Variants in SLX4IP observed in about 807,000 individuals in gnomAD.
SLX4IP encodes SLX4 interacting protein.
Under a neutral mutation model 32.9 loss-of-function variants are expected in SLX4IP, and 34 were observed. The ratio of observed to expected loss-of-function variants is 1.03; its 90% CI spans 0.79 to 1.38. SLX4IP has a LOEUF of 1.38. SLX4IP is among the 40% of genes most tolerant of loss of function. The probability of loss-of-function intolerance (pLI) is 0.00; values close to 1 mark genes in which losing one functional copy is unlikely to be tolerated. For missense variants in SLX4IP, 444 were observed against 479.0 expected (o/e 0.93, Z 0.68); for synonymous variants, 172 against 171.7 (o/e 1.00, Z -0.01).
intron 4 of SLX4IP, among the ~76,000 whole-genome samples, chr20:10,590,954 T>C (rs2066702539): frequency 6.6e-6 from 1 of 152,194 alleles, no homozygotes; most frequent in Admixed American, 6.5e-5. Context: ...ACACAATATA[T>C]TTTAAAAGTT....
chr20:10,540,108 C>CT (rs150162377), intron 2 of SLX4IP, among the ~76,000 whole-genome samples: 50 of 109,018 alleles, frequency 4.6e-4, no homozygotes, highest in African/African-American at 2.0e-3. Context: ...TCCTTCCTTC[C>CT]TTCCTTCCTT....
intron 4 of SLX4IP, among the ~76,000 whole-genome samples, chr20:10,569,377 G>A (rs549928649): frequency 6.6e-6 from 1 of 152,030 alleles, no homozygotes; most frequent in Non-Finnish European, 1.5e-5. Flanking sequence ...GTAGAGATGG[G>A]GTTTCACCAT....
At chr20:10,518,455 CTTCCTTCCTTTCCTTTCTTTTCCT>C (rs1421548844) in intron 2 of SLX4IP, among the ~76,000 whole-genome samples, 2 of 49,448 alleles carry the variant, frequency 4.0e-5, no homozygotes, top group Non-Finnish European at 1.0e-4. Context: ...TCCTTCCTTC[CTTCCTTCCTTTCCTTTCTTTTCCT>C]TTCCTTTCCT....
intron 1 of SLX4IP, among the ~76,000 whole-genome samples, chr20:10,451,260 A>T (rs1317299693): frequency 6.6e-6 from 1 of 151,954 alleles, no homozygotes; most frequent in Non-Finnish European, 1.5e-5. Flanking sequence ...TGCCAGGTTC[A>T]GGCGATTCTC....
intron 2 of SLX4IP, among the ~76,000 whole-genome samples, chr20:10,499,605 A>G (rs2065698846): frequency 6.6e-6 from 1 of 152,232 alleles, no homozygotes; most frequent in Non-Finnish European, 1.5e-5. Context: ...TAAATATATT[A>G]GTAGTATTAC....
chr20:10,577,046 C>T lies in SLX4IP; in HGVS notation c.238+16226C>T, dbSNP rs2066531271. ...AGTATTCCTCTGCGGGGAAGAAATT[C>T]TCATTATTTACAAGAATGATTTGCA... On this transcript the variant is annotated intron_variant, in intron 4 of 7. Coordinates refer to ENST00000334534, the MANE Select transcript of SLX4IP (RefSeq NM_001009608.3). 2.0e-5 allele frequency among the ~76,000 whole-genome samples: 3 copies of T among 152,036 alleles called. No individual in the cohort carries two copies. The South Asian group carries it at 6.2e-4, about 32-fold the overall frequency.
At chr20:10,533,302 C>G (rs1236093929) in intron 2 of SLX4IP, among the ~76,000 whole-genome samples, 1 of 152,088 alleles carries the variant, frequency 6.6e-6, no homozygotes, top group Non-Finnish European at 1.5e-5. Flanking sequence ...TGAAACATCT[C>G]TTTTTTGTTG....
chr20:10,604,958 T>C (rs1041078094), intron 6 of SLX4IP, among the ~76,000 whole-genome samples: 1 of 152,150 alleles, frequency 6.6e-6, no homozygotes, highest in African/African-American at 2.4e-5. Flanking sequence ...TTCCTCACCG[T>C]TTTTTTCCTT....
At chr20:10,506,489 A>G (rs1325794405) in intron 2 of SLX4IP, among the ~76,000 whole-genome samples, 1 of 152,210 alleles carries the variant, frequency 6.6e-6, no homozygotes, top group African/African-American at 2.4e-5. Flanking sequence ...TTAACAAGAC[A>G]GACAGGCCTT....
At chr20:10,519,592 A>G (rs1244963550) in intron 2 of SLX4IP, among the ~76,000 whole-genome samples, 1 of 152,266 alleles carries the variant, frequency 6.6e-6, no homozygotes, top group Non-Finnish European at 1.5e-5. Context: ...TTGTGTGGAT[A>G]CATCACCTTT....
chr20:10,610,375 A>G (rs2066952007), intron 6 of SLX4IP, among the ~76,000 whole-genome samples: 1 of 152,270 alleles, frequency 6.6e-6, no homozygotes, highest in Non-Finnish European at 1.5e-5. Context: ...CCCAAATGAC[A>G]GCATTATCAG....
intron 1 of SLX4IP, among the ~76,000 whole-genome samples, chr20:10,446,575 T>C (rs1022232081): frequency 1.3e-5 from 2 of 152,164 alleles, no homozygotes; most frequent in Non-Finnish European, 2.9e-5. Flanking sequence ...TGTACCACTT[T>C]TACAGTCCCA....
chr20:10,521,399 C>T (rs558017237), intron 2 of SLX4IP, among the ~76,000 whole-genome samples: 27 of 152,222 alleles, frequency 1.8e-4, no homozygotes, highest in Admixed American at 1.8e-3. Context: ...TTTAGGAGCT[C>T]CCATCACCTC....
chr20:10,580,499 CTTTT>C (rs71186104), intron 4 of SLX4IP, among the ~76,000 whole-genome samples: 1 of 134,850 alleles, frequency 7.4e-6, no homozygotes, highest in Non-Finnish European at 1.6e-5. Context: ...TAGACTTACC[CTTTT>C]TTTTTTTTTT....
Position 10,566,878 on chromosome 20 carries a change from A to G in SLX4IP, c.238+6058A>G, listed in dbSNP as rs577380041. 2.0e-5 allele frequency among the ~76,000 whole-genome samples: 3 copies of G among 152,320 alleles called. No homozygotes were observed. In the South Asian group the frequency reaches 6.2e-4, roughly 32 times the overall value. ...GATGTGGCTGGCAGAAACATGGCAG[A>G]CATACAGGGCACATCCAAATCCAGA... On this transcript the variant is annotated intron_variant, in intron 4 of 7. Coordinates refer to ENST00000334534, the MANE Select transcript of SLX4IP (RefSeq NM_001009608.3).
chr20:10,605,435 A>G (rs909607147), intron 6 of SLX4IP, among the ~76,000 whole-genome samples: 2 of 152,198 alleles, frequency 1.3e-5, no homozygotes, highest in Admixed American at 6.5e-5. Flanking sequence ...TAAAAATGTC[A>G]TTCAAATAGG....
intron 4 of SLX4IP, among the ~76,000 whole-genome samples, chr20:10,569,148 A>C (rs1883570293): frequency 6.6e-6 from 1 of 151,662 alleles, no homozygotes; most frequent in Non-Finnish European, 1.5e-5. Context: ...CCAGGTGGCA[A>C]GTCAGGTCCC....
At chr20:10,464,919 A>G (rs752499081) in intron 2 of SLX4IP, among the ~76,000 whole-genome samples, 55 of 152,178 alleles carry the variant, frequency 3.6e-4, no homozygotes, top group Non-Finnish European at 6.0e-4. Context: ...CCTCCTACGT[A>G]GCTGGGACTA....
intron 2 of SLX4IP, among the ~76,000 whole-genome samples, chr20:10,499,127 A>T (rs2065694806): frequency 6.6e-6 from 1 of 152,144 alleles, no homozygotes; most frequent in Non-Finnish European, 1.5e-5. Flanking sequence ...AACTTCTTTA[A>T]TGACAAAAAT....
Sources: gnomAD v4.1 joint callset for allele counts (sites outside exome capture counted in the v4.1 genomes callset) on GRCh38, gnomAD v4.1.1 for gene constraint, MANE v1.5 for transcripts, NCBI Gene and HGNC (gene_info 2026-07-23, HGNC 2026-07-21) for gene names.